TNFRSF21: variants seen among roughly 807,000 people sequenced by gnomAD.
TNFRSF21 encodes the protein TNF receptor superfamily member 21.
In TNFRSF21, 19 loss-of-function variants were observed where a neutral mutation model predicts 45.6. That is an observed-to-expected ratio of 0.42 (90% CI 0.29 to 0.61). The LOEUF is 0.61. Ranked by LOEUF, TNFRSF21 falls within the 20% of genes least tolerant of loss-of-function variation. TNFRSF21 has a pLI of 0.23. For missense variants in TNFRSF21, 737 were observed against 851.5 expected, an observed-to-expected ratio of 0.87 and a Z score of 1.67; for synonymous variants, 314 against 335.5, an observed-to-expected ratio of 0.94 and a Z score of 0.70.
At chr6:47,234,147 CT>C (rs201403419) in intron 5 of TNFRSF21, among the ~76,000 whole-genome samples, 1 of 150,884 alleles carries the variant, frequency 6.6e-6, no homozygotes, top group East Asian at 1.9e-4. Context: ...GCTAATTTTT[CT>C]TTTTTTTTAG....
At chr6:47,238,423 T>C (rs899403048) in intron 4 of TNFRSF21, among the ~76,000 whole-genome samples, 2 of 152,234 alleles carry the variant, frequency 1.3e-5, no homozygotes, top group African/African-American at 4.8e-5. Flanking sequence ...CATGACATAA[T>C]CCTAACTTGG....
intron 1 of TNFRSF21, among the ~76,000 whole-genome samples, chr6:47,297,189 A>C (rs1285336521): frequency 1.3e-5 from 2 of 152,200 alleles, no homozygotes; most frequent in African/African-American, 4.8e-5. Flanking sequence ...CCTTGTGTGC[A>C]AGTAGAAAAA....
At chr6:47,287,350 A>G (rs1447212847) in intron 1 of TNFRSF21, among the ~76,000 whole-genome samples, 1 of 147,132 alleles carries the variant, frequency 6.8e-6, no homozygotes, top group Non-Finnish European at 1.5e-5. Flanking sequence ...GAAAAATTGT[A>G]TACTAGTCAA....
At chr6:47,259,336 G>A (rs909163808) in intron 3 of TNFRSF21, among the ~76,000 whole-genome samples, 5 of 151,698 alleles carry the variant, frequency 3.3e-5, no homozygotes, top group Non-Finnish European at 7.4e-5. Flanking sequence ...TCAACCCACT[G>A]AAGGGCTGAT....
intron 2 of TNFRSF21, among the ~76,000 whole-genome samples, chr6:47,285,093 G>A (rs987523411): frequency 4.6e-5 from 7 of 152,164 alleles, no homozygotes; most frequent in African/African-American, 1.7e-4. Context: ...AAGCTAGAGT[G>A]GCCATCTGAG....
chr6:47,251,648 G>A lies in TNFRSF21; in HGVS notation c.1509+1608C>T, dbSNP rs538329133. Among the ~76,000 whole-genome samples, 8 of 152,228 alleles carry A rather than the reference G, an allele frequency of 5.3e-5. No homozygotes were observed. The East Asian group carries it at 9.6e-4, about 18-fold the overall frequency. On this transcript the variant is annotated intron_variant, in intron 4 of 5. Transcript: ENST00000296861. ...AGGACATTAGGCGACTTATTCTCAC[G>A]TATCTAAATCCTTCTTTGAGCCTTA...
At chr6:47,243,613 T>C (rs535915266) in intron 4 of TNFRSF21, among the ~76,000 whole-genome samples, 1 of 152,320 alleles carries the variant, frequency 6.6e-6, no homozygotes, top group South Asian at 2.1e-4. Context: ...AGATGGGGTT[T>C]CACCATGTTG....
chr6:47,293,794 AC>A (rs1210802249), intron 1 of TNFRSF21, among the ~76,000 whole-genome samples: 1 of 152,170 alleles, frequency 6.6e-6, no homozygotes, highest in Non-Finnish European at 1.5e-5. Context: ...CAAAGATAGG[AC>A]TTTCTCTGGA....
chr6:47,268,177 T>G (rs902607856), intron 3 of TNFRSF21, among the ~76,000 whole-genome samples: 3 of 152,198 alleles, frequency 2.0e-5, no homozygotes, highest in Non-Finnish European at 4.4e-5. Context: ...GTGGCCTTAG[T>G]CAAATTACTT....
Position 47,233,100 on chromosome 6 carries a change from C to G in TNFRSF21, c.1739-106G>C, listed in dbSNP as rs779918349. 7 of 960,330 alleles carry G rather than the reference C, an allele frequency of 7.3e-6. No homozygotes were observed. The East Asian group carries it at 1.0e-4, about 14-fold the overall frequency. 59.5% of individuals were successfully genotyped at this position (960,330 alleles called of 1,614,324 possible). A position where few individuals can be genotyped will look rare whatever the true frequency, so the allele number is the denominator to read the frequency against. On this transcript the variant is annotated intron_variant, in intron 5 of 5. Coordinates refer to ENST00000296861, the MANE Select transcript of TNFRSF21 (RefSeq NM_014452.5). ...GAGAGAGAGACATCTATGTCCCCCC[C>G]AGCCTATTATTCTCCATCCTCCATT...
chr6:47,240,149 C>G (rs1334765304), intron 4 of TNFRSF21, among the ~76,000 whole-genome samples: 1 of 152,154 alleles, frequency 6.6e-6, no homozygotes, highest in Non-Finnish European at 1.5e-5. Context: ...CCCCTTTTCC[C>G]TAATATAACT....
intron 4 of TNFRSF21, among the ~76,000 whole-genome samples, chr6:47,239,421 C>T (rs1404627936): frequency 1.3e-5 from 2 of 152,088 alleles, no homozygotes; most frequent in East Asian, 3.8e-4. Flanking sequence ...TGCAGTATTC[C>T]CCTAGCCCCG....
At position 47,283,950 on chromosome 6, in the gene TNFRSF21, A is replaced by G. The variant is rs139665387; in HGVS notation, c.1231T>C (p.Cys411Arg). The change falls in exon 3 of 6, where the codon TGC becomes CGC. Residue 411 changes from cysteine (C) to arginine (R), a missense_variant. Cys to Arg is a radical substitution (Grantham distance 180, BLOSUM62 -3). Coordinates refer to ENST00000296861, the MANE Select transcript of TNFRSF21 (RefSeq NM_014452.5). Reference sequence around the variant, plus strand: ...AGAGAAGGCTCACCATGGCCATTGCAGTAGTAGATCCATTTCTCCCGGTTC... The same window carrying G: ...AGAGAAGGCTCACCATGGCCATTGCGGTAGTAGATCCATTTCTCCCGGTTC... ...TQNREKWIYY[C>R]NGHGIDILKL... 6.2e-7 allele frequency: 1 copy of G among 1,613,490 alleles called. No individual in the cohort carries two copies. The highest frequency in any genetic ancestry group is 8.5e-7 in the Non-Finnish European group (1 of 1,179,782).
intron 3 of TNFRSF21, among the ~76,000 whole-genome samples, chr6:47,279,270 G>A (rs1202424551): frequency 6.6e-6 from 1 of 152,184 alleles, no homozygotes; most frequent in Non-Finnish European, 1.5e-5. Context: ...AGTAGGGAAG[G>A]GAGGAAGGAG....
At chr6:47,234,080 G>T (rs998535702) in intron 5 of TNFRSF21, among the ~76,000 whole-genome samples, 1 of 152,056 alleles carries the variant, frequency 6.6e-6, no homozygotes, top group Non-Finnish European at 1.5e-5. Context: ...CAGCCTCCGC[G>T]TCTCAGGTTC....
At position 47,234,758 on chromosome 6, in the gene TNFRSF21, G is replaced by A. The variant is rs1476640845; in HGVS notation, c.1650C>T (p.Phe550=). The A allele has an allele frequency of 1.6e-5, 26 of 1,609,526 alleles. No homozygotes were observed. Among genetic ancestry groups the A allele is most frequent in the African/African-American group, 2.7e-5 (2 of 74,740 alleles). ...GGAGAAGGGGCTCCGACTCATCCAC[G>A]AAGAAGCCCTTGTTCTTGTCCTGTG... is the stretch of plus-strand genomic sequence containing the variant. ...PSPQDKNKGF[F]VDESEPLLRC... Residue 550 remains phenylalanine, a synonymous_variant, in exon 5 of 6, where the codon TTC becomes TTT. Coordinates refer to ENST00000296861, the MANE Select transcript of TNFRSF21 (RefSeq NM_014452.5).
chr6:47,283,422 A>G (rs781272740), intron 3 of TNFRSF21, among the ~76,000 whole-genome samples: 1 of 152,214 alleles, frequency 6.6e-6, no homozygotes, highest in Non-Finnish European at 1.5e-5. Flanking sequence ...GGGAAAATAT[A>G]TATGTGACGA....
At chr6:47,244,278 G>C (rs1425221099) in intron 4 of TNFRSF21, among the ~76,000 whole-genome samples, 1 of 147,432 alleles carries the variant, frequency 6.8e-6, no homozygotes, top group Non-Finnish European at 1.5e-5. Context: ...GACCCGAGAT[G>C]GCGCCACTGC....
intron 3 of TNFRSF21, among the ~76,000 whole-genome samples, chr6:47,266,149 A>G (rs1218283545): frequency 6.6e-6 from 1 of 152,132 alleles, no homozygotes; most frequent in Non-Finnish European, 1.5e-5. Context: ...GACTCCCACT[A>G]TTGGACTGGC....
Sources: gnomAD v4.1 joint callset for allele counts (sites outside exome capture counted in the v4.1 genomes callset) on GRCh38, gnomAD v4.1.1 for gene constraint, MANE v1.5 for transcripts, NCBI Gene and HGNC (gene_info 2026-07-23, HGNC 2026-07-21) for gene names.